The following ARL13B variants were observed in gnomAD, a reference collection of about 807,000 sequenced individuals.
ARL13B encodes the protein ARF like GTPase 13B, also known as ADP-ribosylation factor-like protein 13B.
A neutral mutation model predicts 56.1 loss-of-function variants in ARL13B; 36 were observed. That is an observed-to-expected ratio of 0.64 (90% CI 0.49 to 0.85). The LOEUF is 0.85. ARL13B is among the 40% of genes least tolerant of loss of function. The pLI is 0.00. For missense variants in ARL13B, 519 were observed against 507.1 expected (o/e 1.02, Z -0.23); for synonymous variants, 178 against 171.1 (o/e 1.04, Z -0.32).
Position 94,036,471 on chromosome 3 carries a change from C to T in ARL13B, c.487-81C>T, listed in dbSNP as rs1033558976. The T allele has an allele frequency of 4.8e-5, 69 of 1,426,068 alleles. No individual in the cohort carries two copies. The East Asian group carries it at 1.4e-3, about 29-fold the overall frequency. The allele number at this position is 1,426,068 out of a possible 1,614,324, so 88.3% of individuals were successfully genotyped here. A position where few individuals can be genotyped will look rare whatever the true frequency, so the allele number is the denominator to read the frequency against. Reference sequence around the variant, plus strand: ...ACTTAAATGGCTTAATTTTGATTTGCCATTAATTATACTTAATGGTTTATG... The same window carrying T: ...ACTTAAATGGCTTAATTTTGATTTGTCATTAATTATACTTAATGGTTTATG... On this transcript the variant is annotated intron_variant, in intron 4 of 9. Coordinates refer to ENST00000394222, the MANE Select transcript of ARL13B (RefSeq NM_001174150.2).
At chr3:94,024,103 C>G (rs539075229) in intron 3 of ARL13B, among the ~76,000 whole-genome samples, 153 of 152,260 alleles carry the variant, frequency 1.0e-3, no homozygotes, top group African/African-American at 3.5e-3. Flanking sequence ...CTTGTACTAG[C>G]TTGTCACTAT....
chr3:94,039,368 C>T (rs1454658322), intron 5 of ARL13B, among the ~76,000 whole-genome samples: 5 of 151,774 alleles, frequency 3.3e-5, no homozygotes, highest in Non-Finnish European at 5.9e-5. Flanking sequence ...GGCCTGGTGG[C>T]GGGCGCCTGT....
chr3:94,000,152 A>G (rs2076029892), intron 2 of ARL13B, among the ~76,000 whole-genome samples: 1 of 152,186 alleles, frequency 6.6e-6, no homozygotes, highest in African/African-American at 2.4e-5. Context: ...TCAACTAGTG[A>G]GAGCCGATTA....
In ARL13B at chr3:94,036,604, A is replaced by G. The variant is rs1246530247; in HGVS notation, c.539A>G (p.Lys180Arg). 2 of 1,614,026 alleles carry G rather than the reference A, an allele frequency of 1.2e-6. No individual in the cohort carries two copies. Among genetic ancestry groups the G allele is most frequent in the Non-Finnish European group, 1.7e-6 (2 of 1,180,016 alleles). Residue 180 changes from lysine (K) to arginine (R), a missense_variant, in exon 5 of 10, where the codon AAA (lysine) becomes AGA (arginine). By Grantham distance (26) the Lys-to-Arg change is conservative. Transcript: ENST00000394222. ...GYGKKIDKSI[K>R]KGLYWLLHVI... ...GGAAAGAAAATTGACAAGTCCATTA[A>G]AAAAGGCCTTTATTGGCTGCTACAT...
chr3:94,011,299 C>G (rs575323074), intron 3 of ARL13B, among the ~76,000 whole-genome samples: 1 of 152,050 alleles, frequency 6.6e-6, no homozygotes, highest in Non-Finnish European at 1.5e-5. Context: ...TGCTAAACAT[C>G]GATAGATTAG....
intron 7 of ARL13B, among the ~76,000 whole-genome samples, chr3:94,044,405 A>T (rs1438540587): frequency 7.5e-6 from 1 of 133,636 alleles, no homozygotes; most frequent in African/African-American, 3.0e-5. Flanking sequence ...GGAAGTGGGG[A>T]GTGCCTCTGC....
At chr3:94,027,664 A>G (rs993922482) in intron 3 of ARL13B, among the ~76,000 whole-genome samples, 2 of 152,080 alleles carry the variant, frequency 1.3e-5, no homozygotes, top group Non-Finnish European at 2.9e-5. Flanking sequence ...CATAGTAACA[A>G]TTATAACTTT....
At chr3:94,024,909 A>C (rs1166079146) in intron 3 of ARL13B, among the ~76,000 whole-genome samples, 2 of 152,204 alleles carry the variant, frequency 1.3e-5, no homozygotes, top group Non-Finnish European at 1.5e-5. Context: ...AAAATTAGAA[A>C]TAAAGTAATC....
At chr3:94,035,523 A>G in intron 4 of ARL13B, 87 bp downstream of exon 4, 1 of 869,498 alleles carries the variant, frequency 1.2e-6, no homozygotes, top group East Asian at 2.6e-5. Context: ...AGTGATAGCA[A>G]TTAAAAGGCA....
Position 94,043,010 on chromosome 3 carries a change from G to A in ARL13B, c.799-5G>A. 1 of 1,594,618 alleles carries A rather than the reference G, an allele frequency of 6.3e-7. No individual in the cohort carries two copies. The highest frequency in any genetic ancestry group is 8.5e-7 in the Non-Finnish European group (1 of 1,169,662). On this transcript the variant is annotated splice_region_variant and splice_polypyrimidine_tract_variant and intron_variant, in intron 6 of 9. Transcript: ENST00000394222. ...GTAAAGATAATGTATTTTATTTTTT[G>A]TTAGAATGAAGGAAAACTTGAAAGA...
In ARL13B at chr3:94,036,681, A is replaced by T; in HGVS notation, c.616A>T (p.Thr206Ser). ...ALNERIQKET[T>S]EQRALEEQEK... ...AAATGAACGCATCCAAAAAGAGACA[A>T]CAGAGCAGCGTGCTCTTGAGGAACA... Residue 206 changes from threonine to serine, a missense_variant, in exon 5 of 10, where the codon ACA becomes TCA. Thr to Ser is a moderately conservative substitution (Grantham distance 58). Coordinates refer to ENST00000394222, the MANE Select transcript of ARL13B (RefSeq NM_001174150.2). The T allele has an allele frequency of 6.2e-7, 1 of 1,614,158 alleles. No individual in the cohort carries two copies. Among genetic ancestry groups the T allele is most frequent in the South Asian group, 1.1e-5 (1 of 91,080 alleles).
Position 94,054,372 on chromosome 3 carries a change from C to A in ARL13B, c.*1109C>A. 2.3e-6 allele frequency: 1 copy of A among 426,634 alleles called. No homozygotes were observed. Among genetic ancestry groups the A allele is most frequent in the Non-Finnish European group, 4.6e-6 (1 of 215,536 alleles). The allele number at this position is 426,634 out of a possible 1,614,324, so 26.4% of individuals were successfully genotyped here. ...AATTTCTTAATTTAAAATGATAGCA[C>A]TTCTCTTGCACTTAAGAATGGCATC... On this transcript the variant is annotated 3_prime_UTR_variant, in exon 10 of 10. Transcript: ENST00000394222.
intron 2 of ARL13B, among the ~76,000 whole-genome samples, chr3:93,999,740 A>G (rs575604220): frequency 1.3e-5 from 2 of 152,194 alleles, no homozygotes; most frequent in Non-Finnish European, 2.9e-5. Context: ...TCTTTAAATC[A>G]AACTTCTCTT....
chr3:94,046,069 C>T (rs1250637472), intron 7 of ARL13B, among the ~76,000 whole-genome samples: 1 of 151,336 alleles, frequency 6.6e-6, no homozygotes, highest in African/African-American at 2.4e-5. Flanking sequence ...AATAGAGATT[C>T]TAGAAATAGA....
intron 6 of ARL13B, among the ~76,000 whole-genome samples, chr3:94,040,690 T>TTC (rs1472579577): frequency 1.3e-5 from 2 of 151,952 alleles, no homozygotes; most frequent in African/African-American, 4.8e-5. Context: ...TGGAAGGTTT[T>TTC]TTTTTTTTTT....
At chr3:94,037,298 A>G (rs2076785996) in intron 5 of ARL13B, among the ~76,000 whole-genome samples, 2 of 152,154 alleles carry the variant, frequency 1.3e-5, no homozygotes, top group Admixed American at 1.3e-4. Context: ...CATTCAACTC[A>G]AGCAAAATCT....
In ARL13B at chr3:94,050,720, A is replaced by T. The variant is rs2077053490; in HGVS notation, c.1142-104A>T. Reference sequence around the variant, plus strand: ...ACTGTCATTCAATATATTTGAATTGACATTGAATGTTACATATGCTTCCTT... The same window carrying T: ...ACTGTCATTCAATATATTTGAATTGTCATTGAATGTTACATATGCTTCCTT... On this transcript the variant is annotated intron_variant, in intron 8 of 9. Transcript: ENST00000394222. The T allele has an allele frequency of 1.3e-5, 12 of 907,192 alleles. No individual in the cohort carries two copies. In the East Asian group the frequency reaches 3.1e-4, roughly 24 times the overall value. The allele number at this position is 907,192 out of a possible 1,614,324, so 56.2% of individuals were successfully genotyped here. A position where few individuals can be genotyped will look rare whatever the true frequency, so the allele number is the denominator to read the frequency against.
intron 3 of ARL13B, among the ~76,000 whole-genome samples, chr3:94,016,156 G>A (rs2076329966): frequency 6.6e-6 from 1 of 151,814 alleles, no homozygotes. Flanking sequence ...TAAAATGAAG[G>A]GAATAAAAAG....
At chr3:94,034,758 C>A (rs550490400) in intron 3 of ARL13B, among the ~76,000 whole-genome samples, 1 of 152,124 alleles carries the variant, frequency 6.6e-6, no homozygotes, top group Admixed American at 6.6e-5. Context: ...GTAGCTTTTT[C>A]TGTTTTGTTG....
Sources: gnomAD v4.1 joint callset for allele counts (sites outside exome capture counted in the v4.1 genomes callset) on GRCh38, gnomAD v4.1.1 for gene constraint, MANE v1.5 for transcripts, NCBI Gene and HGNC (gene_info 2026-07-23, HGNC 2026-07-21) for gene names.